TMEM245: variants seen among roughly 807,000 people sequenced by gnomAD.
TMEM245 encodes protein CG-2.
In TMEM245, 69 loss-of-function variants were observed where a neutral mutation model predicts 101.2. That is an observed-to-expected ratio of 0.68 (90% confidence interval 0.56 to 0.83). The LOEUF (loss-of-function observed/expected upper bound fraction) is 0.83, where lower values mean the gene tolerates loss of function less well. TMEM245 is among the 40% of genes least tolerant of loss of function. The pLI, the probability that TMEM245 is intolerant of heterozygous loss-of-function variation, is 0.00. For synonymous variants in TMEM245, 537 were observed against 449.8 expected, an observed-to-expected ratio of 1.19 and a Z score of -2.45; for missense variants, 1,075 against 1,092.8, an observed-to-expected ratio of 0.98 and a Z score of 0.23.
At chr9:109,033,863 A>G (rs1564171171) in intron 16 of TMEM245, among the ~76,000 whole-genome samples, 1 of 152,238 alleles carries the variant, frequency 6.6e-6, no homozygotes. Flanking sequence ...TCCATCAAGG[A>G]TAATTAAGTG....
intron 12 of TMEM245, among the ~76,000 whole-genome samples, chr9:109,056,778 G>A (rs771478367): frequency 1.3e-5 from 2 of 152,180 alleles, no homozygotes; most frequent in Non-Finnish European, 2.9e-5. Context: ...GCAGTAGTTA[G>A]CACTTAGGAA....
rs991226172 is a variant in TMEM245 at position 109,017,529 on chromosome 9, T to C, written c.*2931A>G. The C allele has an allele frequency of 6.6e-6, 1 of 152,236 alleles. No individual in the cohort carries two copies. Among genetic ancestry groups the C allele is most frequent in the Non-Finnish European group, 1.5e-5 (1 of 68,044 alleles). 9.4% of individuals were successfully genotyped at this position (152,236 alleles called of 1,614,324 possible). On this transcript the variant is annotated 3_prime_UTR_variant, in exon 18 of 18. Coordinates refer to ENST00000374586, the MANE Select transcript of TMEM245 (RefSeq NM_032012.4). Reference sequence around the variant, plus strand: ...CTCTCAGAAAAGAGAGGAGCATACCTGTGTGGAGAGCTTGTATTTTCTCCC... The same window carrying C: ...CTCTCAGAAAAGAGAGGAGCATACCCGTGTGGAGAGCTTGTATTTTCTCCC...
At chr9:109,034,131 G>T (rs755164660) in intron 16 of TMEM245, among the ~76,000 whole-genome samples, 2 of 152,152 alleles carry the variant, frequency 1.3e-5, no homozygotes, top group Non-Finnish European at 2.9e-5. Context: ...ACAGAACACA[G>T]TAGCATAGCA....
At chr9:109,094,517 A>G (rs1469334093) in intron 3 of TMEM245, among the ~76,000 whole-genome samples, 6 of 152,208 alleles carry the variant, frequency 3.9e-5, no homozygotes, top group African/African-American at 9.6e-5. Flanking sequence ...GCAGCAACTT[A>G]GCAGAAGTTC....
At chr9:109,113,549 C>T (rs1260727886) in intron 1 of TMEM245, among the ~76,000 whole-genome samples, 1 of 152,184 alleles carries the variant, frequency 6.6e-6, no homozygotes, top group African/African-American at 2.4e-5. Flanking sequence ...AATTTGGCAA[C>T]ATTTACTTAG....
chr9:109,026,801 TA>T (rs1331357269), intron 17 of TMEM245, among the ~76,000 whole-genome samples: 1 of 151,932 alleles, frequency 6.6e-6, no homozygotes. Flanking sequence ...CCAACAATGA[TA>T]AATGAGTTTT....
rs200897243 is a variant in TMEM245 at position 109,093,459 on chromosome 9, C to T, written c.916+16G>A. The T allele has an allele frequency of 5.5e-5, 88 of 1,597,732 alleles. No homozygotes were observed. The African/African-American group carries it at 1.1e-3, about 19-fold the overall frequency. ...TTTTCCAGAATAACCTTGAATGTCACCAGAACATCAGTCACCTGCAGGCTG... is the reference window on the plus strand; with the variant it reads ...TTTTCCAGAATAACCTTGAATGTCATCAGAACATCAGTCACCTGCAGGCTG... On this transcript the variant is annotated intron_variant, in intron 4 of 17. Transcript: ENST00000374586.
rs896125243 is a variant in TMEM245, at chr9:109,015,977, T to C, written c.*4483A>G. 6.6e-6 allele frequency: 1 copy of C among 152,638 alleles called. No homozygotes were observed. Among genetic ancestry groups the C allele is most frequent in the African/African-American group, 2.4e-5 (1 of 41,442 alleles). 9.5% of individuals were successfully genotyped at this position (152,638 alleles called of 1,614,324 possible). On this transcript the variant is annotated 3_prime_UTR_variant, in exon 18 of 18. Transcript: ENST00000374586. The stretch of plus-strand genomic sequence containing the variant: ...GTATAGCTCTAAACAGCAAATATAC[T>C]TGCTTTCTGGACTTCAAGATTTATT...
At chr9:109,083,034 A>G (rs1454085769) in intron 7 of TMEM245, among the ~76,000 whole-genome samples, 4 of 152,146 alleles carry the variant, frequency 2.6e-5, no homozygotes, top group African/African-American at 9.7e-5. Context: ...GGGAGACAGT[A>G]AGAGAGAGGA....
At chr9:109,030,339 C>T (rs1021315104) in intron 17 of TMEM245, among the ~76,000 whole-genome samples, 7 of 152,046 alleles carry the variant, frequency 4.6e-5, no homozygotes, top group African/African-American at 1.7e-4. Flanking sequence ...CTATATGGGT[C>T]CTCACGTTAT....
At chr9:109,096,004 G>A (rs1454470075) in intron 3 of TMEM245, among the ~76,000 whole-genome samples, 1 of 152,226 alleles carries the variant, frequency 6.6e-6, no homozygotes, top group Admixed American at 6.5e-5. Flanking sequence ...AGGGAAAAGC[G>A]GCTGTGTTAA....
At chr9:109,106,004 C>T (rs79925043) in intron 3 of TMEM245, among the ~76,000 whole-genome samples, 2,648 of 152,258 alleles carry the variant, frequency 0.017, 46 homozygotes, top group East Asian at 0.099. Flanking sequence ...GAACTCCTGA[C>T]CTCGTGATCC....
intron 4 of TMEM245, among the ~76,000 whole-genome samples, chr9:109,091,595 AT>A (rs1450012554): frequency 6.6e-6 from 1 of 152,184 alleles, no homozygotes; most frequent in Non-Finnish European, 1.5e-5. Flanking sequence ...TTTCAGTGTT[AT>A]TTCACCTAAA....
intron 3 of TMEM245, among the ~76,000 whole-genome samples, chr9:109,097,764 C>CA (rs796626394): frequency 6.6e-6 from 1 of 151,956 alleles, no homozygotes; most frequent in South Asian, 2.1e-4. Context: ...ATTAAAAATA[C>CA]AAAAAAATTA....
At chr9:109,050,228 T>C (rs1828630578) in intron 14 of TMEM245, 55 bp downstream of exon 14, 1 of 1,602,054 alleles carries the variant, frequency 6.2e-7, no homozygotes, top group Non-Finnish European at 8.5e-7. Flanking sequence ...AAAACAGGCT[T>C]ATCATGGAAA....
intron 16 of TMEM245, among the ~76,000 whole-genome samples, chr9:109,035,806 A>G (rs1828099309): frequency 6.6e-6 from 1 of 152,034 alleles, no homozygotes; most frequent in South Asian, 2.1e-4. Flanking sequence ...ATGGTGGTTC[A>G]TTCCCGTAAT....
chr9:109,069,230 C>T lies in TMEM245; in HGVS notation c.1532+4126G>A, dbSNP rs1829259595. 3.9e-5 allele frequency among the ~76,000 whole-genome samples: 6 copies of T among 152,252 alleles called. 1 individual carries two copies. Among genetic ancestry groups the T allele is most frequent in the Admixed American group, 3.9e-4 (6 of 15,300 alleles). The stretch of plus-strand genomic sequence containing the variant: ...CTTTGATACAGTTGCAGAGAGAATG[C>T]TGCTACTATTCAAAACCGGTACAAA... On this transcript the variant is annotated intron_variant, in intron 9 of 17. Coordinates refer to ENST00000374586, the MANE Select transcript of TMEM245 (RefSeq NM_032012.4).
intron 1 of TMEM245, among the ~76,000 whole-genome samples, chr9:109,115,952 G>A (rs1281407808): frequency 6.6e-6 from 1 of 152,198 alleles, no homozygotes; most frequent in African/African-American, 2.4e-5. Context: ...TCTATTGAAT[G>A]CCATTTACTG....
chr9:109,037,940 G>T, intron 15 of TMEM245, 77 bp downstream of exon 15: 1 of 1,191,070 alleles, frequency 8.4e-7, no homozygotes, highest in Non-Finnish European at 1.2e-6. Flanking sequence ...TGAGGAAGTA[G>T]ACATTTCCTA....
Sources: allele counts gnomAD v4.1 joint callset (sites outside exome capture counted in the v4.1 genomes callset), GRCh38; gene constraint gnomAD v4.1.1; transcripts MANE v1.5; gene names NCBI Gene and HGNC (gene_info 2026-07-23, HGNC 2026-07-21).